Variants in IL1RAPL2 observed in about 807,000 individuals in gnomAD.
The protein encoded by IL1RAPL2 is interleukin 1 receptor accessory protein like 2.
IL1RAPL2 carries 3 observed loss-of-function variants against 44.1 expected under a neutral mutation model. The observed-to-expected ratio is 0.07, with a 90% CI of 0.03 to 0.18. The LOEUF (loss-of-function observed/expected upper bound fraction) is 0.18. Among genes scored for constraint, IL1RAPL2 ranks in the 10% least tolerant of loss-of-function variants. The pLI is 1.00. For missense variants in IL1RAPL2, 391 were observed against 496.4 expected, an observed-to-expected ratio of 0.79 and a Z score of 2.02; for synonymous variants, 181 against 178.8, an observed-to-expected ratio of 1.01 and a Z score of -0.10.
chrX:104,936,237 G>A (rs1273471429), intron 2 of IL1RAPL2, among the ~76,000 whole-genome samples: 1 of 111,827 alleles, frequency 8.9e-6, no homozygotes, highest in Non-Finnish European at 1.9e-5. Flanking sequence ...CCATCCAAGA[G>A]TATTTTTCAA....
chrX:104,678,647 C>G (rs1417680320), intron 2 of IL1RAPL2, among the ~76,000 whole-genome samples: 1 of 112,168 alleles, frequency 8.9e-6, no homozygotes, highest in Non-Finnish European at 1.9e-5. Context: ...GTCATTCGCA[C>G]ATCCTCTGTG....
chrX:105,171,877 C>T (rs1347498728), intron 2 of IL1RAPL2, among the ~76,000 whole-genome samples: 1 of 112,177 alleles, frequency 8.9e-6, no homozygotes, highest in Non-Finnish European at 1.9e-5. Flanking sequence ...GAATGCCCCT[C>T]CATGTCCACC....
chrX:104,653,284 C>T (rs1024630690), intron 1 of IL1RAPL2, among the ~76,000 whole-genome samples: 1 of 111,590 alleles, frequency 9.0e-6, no homozygotes, highest in African/African-American at 3.3e-5. Context: ...GTTACCTAGT[C>T]CAGCTTGGAC....
intron 5 of IL1RAPL2, among the ~76,000 whole-genome samples, chrX:105,369,353 C>T (rs1485557986): frequency 9.0e-6 from 1 of 110,901 alleles, no homozygotes; most frequent in Non-Finnish European, 1.9e-5. Flanking sequence ...CTCTAAATTC[C>T]TTGTGCTTGT....
chrX:105,470,493 A>C (rs2036159130), intron 5 of IL1RAPL2, among the ~76,000 whole-genome samples: 1 of 111,873 alleles, frequency 8.9e-6, no homozygotes, highest in African/African-American at 3.2e-5. Context: ...AGGCTGATGA[A>C]GTGGCTTCTA....
intron 2 of IL1RAPL2, among the ~76,000 whole-genome samples, chrX:105,069,115 G>A (rs1426190365): frequency 9.0e-6 from 1 of 111,546 alleles, no homozygotes; most frequent in African/African-American, 3.3e-5. Context: ...AGTGAAGGAG[G>A]CTTCTCCTGA....
At chrX:105,368,212 A>C (rs1389431169) in intron 5 of IL1RAPL2, among the ~76,000 whole-genome samples, 1 of 111,035 alleles carries the variant, frequency 9.0e-6, no homozygotes, top group Non-Finnish European at 1.9e-5. Flanking sequence ...AGGTTATTTA[A>C]AAAAATCTGG....
chrX:105,234,309 G>A (rs1452853558), intron 4 of IL1RAPL2, among the ~76,000 whole-genome samples: 1 of 111,408 alleles, frequency 9.0e-6, no homozygotes, highest in African/African-American at 3.3e-5. Flanking sequence ...ATTATTTGGG[G>A]GACACAGAAA....
At chrX:105,262,022 A>C (rs1569414998) in intron 4 of IL1RAPL2, among the ~76,000 whole-genome samples, 1 of 111,649 alleles carries the variant, frequency 9.0e-6, no homozygotes, top group African/African-American at 3.3e-5. Flanking sequence ...AGAGTTGGAT[A>C]GTTTCCTTCT....
At chrX:105,246,511 T>C (rs1286972199) in intron 4 of IL1RAPL2, among the ~76,000 whole-genome samples, 1 of 111,366 alleles carries the variant, frequency 9.0e-6, no homozygotes, top group Non-Finnish European at 1.9e-5. Flanking sequence ...AGGGAACAAA[T>C]GTAACTAAAT....
chrX:104,970,026 T>C (rs897056716), intron 2 of IL1RAPL2, among the ~76,000 whole-genome samples: 12 of 110,828 alleles, frequency 1.1e-4, no homozygotes, highest in African/African-American at 3.9e-4. Context: ...TCTAGTAAAA[T>C]TGAAGATGGA....
At chrX:104,787,913 A>T (rs777389581) in intron 2 of IL1RAPL2, among the ~76,000 whole-genome samples, 18 of 111,621 alleles carry the variant, frequency 1.6e-4, no homozygotes, top group Non-Finnish European at 3.0e-4. Flanking sequence ...GGATGTTAGA[A>T]GTTTGATTCA....
chrX:105,393,647 T>A (rs2035542462), intron 5 of IL1RAPL2, among the ~76,000 whole-genome samples: 1 of 111,785 alleles, frequency 8.9e-6, no homozygotes, highest in African/African-American at 3.2e-5. Context: ...AAAAGCAGCT[T>A]GGACATTAGA....
intron 6 of IL1RAPL2, among the ~76,000 whole-genome samples, chrX:105,582,524 A>G: frequency 9.0e-6 from 1 of 111,000 alleles, no homozygotes; most frequent in South Asian, 3.7e-4. Context: ...ATAAAATAAC[A>G]TGTTTTATTA....
intron 1 of IL1RAPL2, among the ~76,000 whole-genome samples, chrX:104,657,602 C>G: frequency 9.0e-6 from 1 of 111,657 alleles, no homozygotes; most frequent in Non-Finnish European, 1.9e-5. Flanking sequence ...GCAATGGCAA[C>G]AAAGCCAAAA....
intron 6 of IL1RAPL2, among the ~76,000 whole-genome samples, chrX:105,545,287 C>T (rs770944171): frequency 1.1e-4 from 12 of 111,804 alleles, no homozygotes; most frequent in African/African-American, 3.6e-4. Flanking sequence ...CTGGGAACAT[C>T]CTTATTTAGC....
At chrX:104,907,264 C>A (rs778206890) in intron 2 of IL1RAPL2, among the ~76,000 whole-genome samples, 105 of 111,740 alleles carry the variant, frequency 9.4e-4, no homozygotes, top group African/African-American at 3.2e-3. Context: ...CTCCTGGATT[C>A]ATTAATTTTT....
intron 3 of IL1RAPL2, among the ~76,000 whole-genome samples, chrX:105,222,938 T>C (rs1240995506): frequency 9.0e-6 from 1 of 110,972 alleles, no homozygotes; most frequent in East Asian, 2.8e-4. Context: ...TCACCTGAGG[T>C]CAGTAGATGG....
chrX:105,091,470 C>T (rs1367457963), intron 2 of IL1RAPL2, among the ~76,000 whole-genome samples: 4 of 110,981 alleles, frequency 3.6e-5, no homozygotes, highest in Non-Finnish European at 1.9e-5. Flanking sequence ...CCTGGTTTTC[C>T]CAGGATTGTT....
Sources: gnomAD v4.1 joint callset for allele counts (sites outside exome capture counted in the v4.1 genomes callset) on GRCh38, gnomAD v4.1.1 for gene constraint, MANE v1.5 for transcripts, NCBI Gene and HGNC (gene_info 2026-07-23, HGNC 2026-07-21) for gene names.